The following GEMIN5 variants were observed in gnomAD, a reference collection of about 807,000 sequenced individuals.
GEMIN5 encodes the protein gem-associated protein 5.
In GEMIN5, 124 loss-of-function variants were observed where a neutral mutation model predicts 176.9. The ratio of observed to expected loss-of-function variants is 0.70; its 90% confidence interval spans 0.61 to 0.81. The LOEUF is 0.81. Among genes scored for constraint, GEMIN5 ranks in the 40% least tolerant of loss-of-function variants. The probability of loss-of-function intolerance (pLI) is 0.00; values close to 1 mark genes in which losing one functional copy is unlikely to be tolerated. For synonymous variants in GEMIN5, 673 were observed against 665.2 expected (o/e 1.01, Z -0.18); for missense variants, 1,843 against 1,814.6 (o/e 1.02, Z -0.28).
chr5:154,901,889 T>A (rs1342723586), intron 20 of GEMIN5, among the ~76,000 whole-genome samples: 1 of 151,486 alleles, frequency 6.6e-6, no homozygotes, highest in Non-Finnish European at 1.5e-5. Flanking sequence ...AGCCTTAACC[T>A]CCCCGGGCTC....
chr5:154,913,047 C>T lies in GEMIN5; in HGVS notation c.1856-9G>A. On this transcript the variant is annotated splice_polypyrimidine_tract_variant and intron_variant, in intron 13 of 27. Coordinates refer to ENST00000285873, the MANE Select transcript of GEMIN5 (RefSeq NM_015465.5). ...AGACTCAGGGCTGCTCTCTAAAAGG[C>T]AAAGGAAAGACATCACTGCTGCTAC... 6.3e-7 allele frequency: 1 copy of T among 1,599,278 alleles called. No individual in the cohort carries two copies. Among genetic ancestry groups the T allele is most frequent in the Non-Finnish European group, 8.5e-7 (1 of 1,172,840 alleles).
chr5:154,920,998 T>C (rs1039674684), intron 10 of GEMIN5, among the ~76,000 whole-genome samples: 1 of 152,214 alleles, frequency 6.6e-6, no homozygotes. Flanking sequence ...AGTATCATTC[T>C]AATTCTGATA....
intron 9 of GEMIN5, among the ~76,000 whole-genome samples, chr5:154,922,803 TCTC>T (rs35913543): frequency 0.83 from 124,924 of 150,138 alleles, 52,645 homozygotes; most frequent in Non-Finnish European, 0.91. Flanking sequence ...TTCAAGCAAT[TCTC>T]CTACCTCAGC....
intron 3 of GEMIN5, among the ~76,000 whole-genome samples, chr5:154,934,563 C>T (rs936677675): frequency 6.6e-6 from 1 of 152,206 alleles, no homozygotes; most frequent in East Asian, 1.9e-4. Context: ...CCACCCGCCT[C>T]GGCCTCCCAA....
At position 154,929,556 on chromosome 5, in the gene GEMIN5, C is replaced by A. The variant is rs375703220; in HGVS notation, c.782-897G>T. ...TCCTAGAGATTCGGACTCAGTAGAT[C>A]TGAGGTGGGGTACAAGAACCTACAT... is the stretch of plus-strand genomic sequence containing the variant. On this transcript the variant is annotated intron_variant, in intron 5 of 27. Transcript: ENST00000285873. Among the ~76,000 whole-genome samples, 16 of 152,304 alleles carry A rather than the reference C, an allele frequency of 1.1e-4. No individual in the cohort carries two copies. In the East Asian group the frequency reaches 2.7e-3, roughly 26 times the overall value.
At chr5:154,909,383 A>G (rs1189445400) in intron 15 of GEMIN5, among the ~76,000 whole-genome samples, 1 of 151,856 alleles carries the variant, frequency 6.6e-6, no homozygotes, top group Non-Finnish European at 1.5e-5. Context: ...CCATTTATTT[A>G]TTATATCGGT....
intron 5 of GEMIN5, 85 bp downstream of exon 5, chr5:154,931,373 A>C (rs1764157303): frequency 1.5e-6 from 2 of 1,351,106 alleles, no homozygotes; most frequent in African/African-American, 2.9e-5. Context: ...AATAGATGAC[A>C]CACCCTCAGG....
At position 154,891,461 on chromosome 5, in the gene GEMIN5, C is replaced by T. The variant is rs764048045; in HGVS notation, c.4042G>A (p.Glu1348Lys). 5.0e-6 allele frequency: 8 copies of T among 1,614,080 alleles called. No homozygotes were observed. The African/African-American group carries it at 1.1e-4, about 22-fold the overall frequency. Residue 1348 changes from glutamate to lysine, a missense_variant, in exon 26 of 28, where the codon GAA (glutamate) becomes AAA (lysine). By Grantham distance (56) the Glu-to-Lys change is moderately conservative. Transcript: ENST00000285873. ...PSELDLRLTE[E>K]GERMLSTFKE... ...AAAGTACTCAGCATTCGCTCACCTT[C>T]TTCTGTGAGTCTCAAGTCTAGTTCT...
At chr5:154,928,756 G>C (rs972834155) in intron 5 of GEMIN5, 97 bp from the exon 6 acceptor site, 4 of 1,026,536 alleles carry the variant, frequency 3.9e-6, no homozygotes, top group East Asian at 2.4e-5. Context: ...CGCTGTAAAA[G>C]CTTGTTAGTT....
At position 154,932,221 on chromosome 5, in the gene GEMIN5, T is replaced by G; in HGVS notation, c.539A>C (p.Asp180Ala). 1 of 1,610,692 alleles carries G rather than the reference T, an allele frequency of 6.2e-7. No homozygotes were observed. The highest frequency in any genetic ancestry group is 8.5e-7 in the Non-Finnish European group (1 of 1,177,042). ...AATAACTTCTCCTTTCTTACTGATG[T>G]CAATTATCACCACTATGCCATCCTT... ...GYKDGIVVIIDISKKGEVIHR... is the reference protein window; with the variant it reads ...GYKDGIVVIIAISKKGEVIHR... The change falls in exon 4 of 28, where the codon GAC becomes GCC. Residue 180 changes from aspartate (D) to alanine (A), a missense_variant. Asp to Ala is a moderately radical substitution (Grantham distance 126). Transcript: ENST00000285873.
In GEMIN5 at chr5:154,928,590, C is replaced by T. The variant is rs369129323; in HGVS notation, c.851G>A (p.Arg284His). 43 of 1,613,608 alleles carry T rather than the reference C, an allele frequency of 2.7e-5. No individual in the cohort carries two copies. Among genetic ancestry groups the T allele is most frequent in the Non-Finnish European group, 3.5e-5 (41 of 1,179,634 alleles). Reference sequence around the variant, plus strand: ...GGGCCAATGGAGTGTCAACCAAAGGCGCTCTTTAACAGTTGGGTCTATACC... The same window carrying T: ...GGGCCAATGGAGTGTCAACCAAAGGTGCTCTTTAACAGTTGGGTCTATACC... ...GGGIDPTVKE[R>H]LWLTLHWPSN... is the part of the protein sequence containing the mutation. Residue 284 changes from arginine (R) to histidine (H), a missense_variant, in exon 6 of 28, where the codon CGC becomes CAC. Arg to His is a conservative substitution (Grantham distance 29). Transcript: ENST00000285873.
At chr5:154,892,952 C>A (rs1187213371) in intron 24 of GEMIN5, among the ~76,000 whole-genome samples, 1 of 152,062 alleles carries the variant, frequency 6.6e-6, no homozygotes, top group Non-Finnish European at 1.5e-5. Context: ...CAAAAATTAG[C>A]CAGGCATGAT....
rs1582665221 is a variant in GEMIN5 at position 154,915,116 on chromosome 5, T to C, written c.1855+1882A>G. 2.0e-5 allele frequency among the ~76,000 whole-genome samples: 3 copies of C among 152,330 alleles called. No individual in the cohort carries two copies. In the South Asian group the frequency reaches 6.2e-4, roughly 32 times the overall value. On this transcript the variant is annotated intron_variant, in intron 13 of 27. Transcript: ENST00000285873. ...TAATCATAAGGACCAGAATCAGCTT[T>C]CTAACTTATGTTCATTAGTTATACA...
In GEMIN5 at chr5:154,910,351, A is replaced by T. The variant is rs370367272; in HGVS notation, c.2167+1376T>A. Among the ~76,000 whole-genome samples, 25 of 152,124 alleles carry T rather than the reference A, an allele frequency of 1.6e-4. 1 individual carries two copies. Among genetic ancestry groups the T allele is most frequent in the African/African-American group, 6.0e-4 (25 of 41,516 alleles). ...TATTTCACAGAGACAGTGTCCCCCTATGTTGTCCAGGTTAGTCCTGAACTC... is the reference window on the plus strand; with the variant it reads ...TATTTCACAGAGACAGTGTCCCCCTTTGTTGTCCAGGTTAGTCCTGAACTC... On this transcript the variant is annotated intron_variant, in intron 15 of 27. Transcript: ENST00000285873.
chr5:154,928,735 C>A (rs755034363), intron 5 of GEMIN5, 76 bp from the exon 6 acceptor site: 29 of 1,333,812 alleles, frequency 2.2e-5, no homozygotes, highest in Non-Finnish European at 3.1e-5. Flanking sequence ...TGGTTCATAA[C>A]ACACAGTCTG....
At chr5:154,922,014 G>A (rs1191304933) in intron 9 of GEMIN5, among the ~76,000 whole-genome samples, 1 of 152,176 alleles carries the variant, frequency 6.6e-6, no homozygotes, top group Non-Finnish European at 1.5e-5. Flanking sequence ...TTCTTTGTAT[G>A]ATTGTAGAAT....
chr5:154,916,402 C>T (rs1401390881), intron 13 of GEMIN5, among the ~76,000 whole-genome samples: 1 of 152,152 alleles, frequency 6.6e-6, no homozygotes, highest in Admixed American at 6.6e-5. Context: ...CATATGTAGG[C>T]TATGACTTTA....
At chr5:154,901,582 A>G (rs970832570) in intron 20 of GEMIN5, 96 bp from the exon 21 acceptor site, 1 of 1,051,592 alleles carries the variant, frequency 9.5e-7, no homozygotes, top group African/African-American at 1.6e-5. Flanking sequence ...GTTTTCGTCA[A>G]TGCATTCAGC....
In GEMIN5 at chr5:154,907,725, T is replaced by C; in HGVS notation, c.2261A>G (p.Lys754Arg). 1 of 1,614,158 alleles carries C rather than the reference T, an allele frequency of 6.2e-7. No homozygotes were observed. The highest frequency in any genetic ancestry group is 8.5e-7 in the Non-Finnish European group (1 of 1,179,994). Residue 754 changes from lysine (K) to arginine (R), a missense_variant, in exon 16 of 28, where the codon AAG (lysine) becomes AGG (arginine). Physicochemically the swap from Lys to Arg is conservative, Grantham distance 26. Coordinates refer to ENST00000285873, the MANE Select transcript of GEMIN5 (RefSeq NM_015465.5). Reference protein sequence around the residue: ...KKKPTLRTPVKLESIDGNEEE... With the variant: ...KKKPTLRTPVRLESIDGNEEE... Reference sequence around the variant, plus strand: ...TTCATTTCCATCAATCGATTCCAGCTTTACAGGAGTTCTCAAGGTGGGCTT... The same window carrying C: ...TTCATTTCCATCAATCGATTCCAGCCTTACAGGAGTTCTCAAGGTGGGCTT...
Sources: gnomAD v4.1 joint callset for allele counts (sites outside exome capture counted in the v4.1 genomes callset) on GRCh38, gnomAD v4.1.1 for gene constraint, MANE v1.5 for transcripts, NCBI Gene and HGNC (gene_info 2026-07-23, HGNC 2026-07-21) for gene names.